Variants in ELP6 observed in about 807,000 individuals in gnomAD.
ELP6 encodes the protein elongator complex protein 6.
In ELP6, 23 loss-of-function variants were observed where a neutral mutation model predicts 28.1. The observed-to-expected ratio is 0.82, with a 90% CI of 0.59 to 1.16. The LOEUF is 1.16. Among genes scored for constraint, ELP6 ranks in the 50% most tolerant of loss-of-function variants. The probability of loss-of-function intolerance (pLI) is 0.00; values close to 1 mark genes in which losing one functional copy is unlikely to be tolerated. For synonymous variants in ELP6, 132 were observed against 135.8 expected (o/e 0.97, Z 0.19); for missense variants, 313 against 334.6 (o/e 0.94, Z 0.50).
rs1305158806 is a variant in ELP6, at chr3:47,496,192, C to T, written c.678G>A (p.Arg226=). 1.2e-6 allele frequency: 2 copies of T among 1,613,776 alleles called. No individual in the cohort carries two copies. Among genetic ancestry groups the T allele is most frequent in the Admixed American group, 3.3e-5 (2 of 59,886 alleles). ...GCTGCGATGGTCTCCTCCACAGGATCCTCAGCTACAGAGACAGAGAAGAAT... is the reference window on the plus strand; with the variant it reads ...GCTGCGATGGTCTCCTCCACAGGATTCTCAGCTACAGAGACAGAGAAGAAT... ...GFCRDVHGQL[R]ILWRRPSQPA... is the part of the protein sequence containing the mutation. Residue 226 remains arginine (R), a synonymous_variant, in exon 7 of 7, where the codon AGG becomes AGA. Coordinates refer to ENST00000296149, the MANE Select transcript of ELP6 (RefSeq NM_001031703.3).
chr3:47,496,258 C>T (rs931886824), intron 6 of ELP6, 61 bp from the exon 7 acceptor site: 29 of 1,579,892 alleles, frequency 1.8e-5, no homozygotes, highest in Admixed American at 1.9e-5. Context: ...CCACTGGGAA[C>T]CCCACCCTAC....
chr3:47,509,063 C>CT (rs1231983405), intron 3 of ELP6, among the ~76,000 whole-genome samples: 1 of 151,676 alleles, frequency 6.6e-6, no homozygotes, highest in Admixed American at 6.6e-5. Flanking sequence ...CGTGCCCAGC[C>CT]TTTTTTTTCC....
At chr3:47,513,453 C>G in intron 1 of ELP6, 84 bp downstream of exon 1, 3 of 1,569,252 alleles carry the variant, frequency 1.9e-6, no homozygotes, top group Non-Finnish European at 2.6e-6. Context: ...CGCCATTCCC[C>G]GGGGTCGTGC....
rs763606300 is a variant in ELP6, at chr3:47,501,864, G to C, written c.324-13C>G. Reference sequence around the variant, plus strand: ...AGCATTAGCCTCCCTGGAGAGACAGGACAAAAGTTACCAGACTTCACTCTC... The same window carrying C: ...AGCATTAGCCTCCCTGGAGAGACAGCACAAAAGTTACCAGACTTCACTCTC... On this transcript the variant is annotated splice_polypyrimidine_tract_variant and intron_variant, in intron 4 of 6. Transcript: ENST00000296149. The C allele has an allele frequency of 6.2e-7, 1 of 1,607,924 alleles. No homozygotes were observed. The highest frequency in any genetic ancestry group is 8.5e-7 in the Non-Finnish European group (1 of 1,176,982).
chr3:47,498,663 C>T (rs1708550779), intron 5 of ELP6: 7 of 985,310 alleles, frequency 7.1e-6, no homozygotes, highest in African/African-American at 1.7e-5. Flanking sequence ...TTTCAGCTCA[C>T]TTCATCTAAA....
chr3:47,503,535 G>T, intron 4 of ELP6: 1 of 719,476 alleles, frequency 1.4e-6, no homozygotes, highest in Non-Finnish European at 2.0e-6. Context: ...TGCAAAAACA[G>T]CCAAGGACAA....
intron 5 of ELP6, chr3:47,500,030 C>A (rs1035656652): frequency 1.8e-5 from 23 of 1,292,844 alleles, no homozygotes; most frequent in South Asian, 1.7e-4. Context: ...TGGAGGCTCT[C>A]GCACATCCAT....
In ELP6 at chr3:47,511,180, A is replaced by T. The variant is rs1709006760; in HGVS notation, c.101T>A (p.Leu34His). Residue 34 changes from leucine (L) to histidine (H), a missense_variant, in exon 2 of 7, where the codon CTT becomes CAT. Coordinates refer to ENST00000296149, the MANE Select transcript of ELP6 (RefSeq NM_001031703.3). ...ATAGAAGGAGAGAAAGTGGTGTACA[A>T]GGAAACTCCCATCTGTCTTGGCATC... Reference protein sequence around the residue: ...LCDAKTDGSFLVHHFLSFYLK... With the variant: ...LCDAKTDGSFHVHHFLSFYLK... 6.2e-7 allele frequency: 1 copy of T among 1,614,042 alleles called. No individual in the cohort carries two copies. The highest frequency in any genetic ancestry group is 1.1e-5 in the South Asian group (1 of 91,088).
At position 47,511,352 on chromosome 3, in the gene ELP6, T is replaced by G. The variant is rs1349288963; in HGVS notation, c.55-126A>C. On this transcript the variant is annotated intron_variant, in intron 1 of 6. Transcript: ENST00000296149. ...TGAAGAGTTTATTTTTTTAATGACA[T>G]ACATGCTAAGGTACCCTGAAATGAT... The G allele has an allele frequency of 2.1e-6, 3 of 1,438,580 alleles. No individual in the cohort carries two copies. The African/African-American group carries it at 4.3e-5, about 20-fold the overall frequency. 89.1% of individuals were successfully genotyped at this position (1,438,580 alleles called of 1,614,324 possible). A position where few individuals can be genotyped will look rare whatever the true frequency, so the allele number is the denominator to read the frequency against.
At chr3:47,498,561 C>G in intron 5 of ELP6, 129 bp from the exon 6 acceptor site, 1 of 1,519,548 alleles carries the variant, frequency 6.6e-7, no homozygotes, top group Non-Finnish European at 8.8e-7. Flanking sequence ...GCTGCTGCTA[C>G]AGCCAGCCCC....
At chr3:47,497,430 G>T (rs1432548399) in intron 6 of ELP6, 1 of 738,292 alleles carries the variant, frequency 1.4e-6, no homozygotes, top group African/African-American at 1.9e-5. Context: ...TCCGCCTCCT[G>T]GGTTCAAGCG....
At chr3:47,502,355 A>C (rs2108089625) in intron 4 of ELP6, 1 of 943,802 alleles carries the variant, frequency 1.1e-6, no homozygotes, top group South Asian at 4.9e-5. Flanking sequence ...AGTTGCAGTG[A>C]GCCACGACTG....
intron 5 of ELP6, chr3:47,498,737 C>T: frequency 1.2e-5 from 12 of 984,910 alleles, no homozygotes; most frequent in Non-Finnish European, 1.4e-5. Context: ...GTGTCACCAT[C>T]CTGCCAGGCA....
In ELP6 at chr3:47,504,429, G is replaced by T. The variant is rs183689517; in HGVS notation, c.224C>A (p.Ala75Glu). 1 of 1,607,368 alleles carries T rather than the reference G, an allele frequency of 6.2e-7. No homozygotes were observed. Among genetic ancestry groups the T allele is most frequent in the South Asian group, 1.1e-5 (1 of 90,072 alleles). ...GAACACAAGCTGCCCACGCTCCCGC[G>T]CCATGGTCAGGCTGACACCCTAAAC... Reference protein sequence around the residue: ...GQKLGVSLTMARERGQLVFLE... With the variant: ...GQKLGVSLTMERERGQLVFLE... Residue 75 changes from alanine to glutamate, a missense_variant, in exon 4 of 7, where the codon GCG (alanine) becomes GAG (glutamate). Coordinates refer to ENST00000296149, the MANE Select transcript of ELP6 (RefSeq NM_001031703.3).
At chr3:47,506,105 C>G (rs1191902429) in intron 3 of ELP6, among the ~76,000 whole-genome samples, 1 of 152,126 alleles carries the variant, frequency 6.6e-6, no homozygotes, top group East Asian at 1.9e-4. Flanking sequence ...TTGGTAGGTT[C>G]CGTGATGCCC....
chr3:47,496,292 G>T, intron 6 of ELP6, 95 bp from the exon 7 acceptor site: 1 of 1,479,358 alleles, frequency 6.8e-7, no homozygotes, highest in South Asian at 1.4e-5. Flanking sequence ...TTCAGCTGAG[G>T]CCTCTATGAG....
intron 3 of ELP6, 48 bp downstream of exon 3, chr3:47,510,136 C>G: frequency 1.5e-6 from 2 of 1,372,594 alleles, no homozygotes; most frequent in Non-Finnish European, 2.1e-6. Flanking sequence ...CCATGTGTGA[C>G]ACACACACTC....
rs139283004 is a variant in ELP6, at chr3:47,498,321, G to A, written c.637C>T (p.Leu213=). ...QSHLILRAEG[L]ATGFCRDVHG... ...ACATCCCTGCAGAAGCCAGTGGCCA[G>A]GCCCTCAGCCCGCAGTATCAGATGG... The change falls in exon 6 of 7, where the codon CTG becomes TTG. Residue 213 remains leucine (L), a synonymous_variant. Coordinates refer to ENST00000296149, the MANE Select transcript of ELP6 (RefSeq NM_001031703.3). The A allele has an allele frequency of 1.9e-6, 3 of 1,613,686 alleles. No homozygotes were observed. In the African/African-American group the frequency reaches 4.0e-5, roughly 21 times the overall value.
intron 2 of ELP6, 95 bp downstream of exon 2, chr3:47,511,053 G>C: frequency 9.3e-7 from 1 of 1,071,764 alleles, no homozygotes; most frequent in Non-Finnish European, 1.4e-6. Flanking sequence ...GGCTTGGCTT[G>C]TAAATGCTGT....
Sources: allele counts gnomAD v4.1 joint callset (sites outside exome capture counted in the v4.1 genomes callset), GRCh38; gene constraint gnomAD v4.1.1; transcripts MANE v1.5; gene names NCBI Gene and HGNC (gene_info 2026-07-23, HGNC 2026-07-21).